SPOCK3: variants seen among roughly 807,000 people sequenced by gnomAD.
The protein encoded by SPOCK3 is SPARC (osteonectin), cwcv and kazal like domains proteoglycan 3.
A neutral mutation model predicts 56.6 loss-of-function variants in SPOCK3; 30 were observed. The observed-to-expected ratio is 0.53, with a 90% CI of 0.40 to 0.72. SPOCK3 has a LOEUF of 0.72. SPOCK3 is among the 30% of genes least tolerant of loss of function. The probability of loss-of-function intolerance (pLI) is 0.00; values close to 1 mark genes in which losing one functional copy is unlikely to be tolerated. For synonymous variants in SPOCK3, 196 were observed against 183.3 expected, an observed-to-expected ratio of 1.07 and a Z score of -0.56; for missense variants, 527 against 530.0, an observed-to-expected ratio of 0.99 and a Z score of 0.06.
intron 2 of SPOCK3, among the ~76,000 whole-genome samples, chr4:167,222,139 C>A (rs1735981119): frequency 1.3e-5 from 2 of 151,950 alleles, no homozygotes; most frequent in South Asian, 4.1e-4. Context: ...AAAAAGGAAA[C>A]CCTGTCACAT....
At chr4:166,754,855 T>C (rs1327801606) in intron 7 of SPOCK3, 126 bp from the exon 8 acceptor site, 2 of 764,640 alleles carry the variant, frequency 2.6e-6, no homozygotes, top group Non-Finnish European at 4.2e-6. Context: ...AGTAGAGCAT[T>C]AAATTCATCA....
rs959342619 is a variant in SPOCK3, at chr4:166,736,719, G to A, written c.1132+748C>T. Reference sequence around the variant, plus strand: ...ATTCCTGGTGTGTGTGTGTGTGTGCGCGTGTGTGTGTCTACAATGAGGTGG... The same window carrying A: ...ATTCCTGGTGTGTGTGTGTGTGTGCACGTGTGTGTGTCTACAATGAGGTGG... On this transcript the variant is annotated intron_variant, in intron 10 of 10. Coordinates refer to ENST00000357545, the MANE Select transcript of SPOCK3 (RefSeq NM_001040159.2). Among the ~76,000 whole-genome samples the A allele has an allele frequency of 3.8e-4, 57 of 151,540 alleles. 1 individual carries two copies. The highest frequency in any genetic ancestry group is 3.4e-3 in the Middle Eastern group (1 of 294).
At chr4:167,063,214 A>G (rs548347089) in intron 2 of SPOCK3, among the ~76,000 whole-genome samples, 2 of 152,032 alleles carry the variant, frequency 1.3e-5, no homozygotes, top group South Asian at 4.1e-4. Flanking sequence ...TAAATATGAC[A>G]GTACAGCACA....
chr4:167,231,126 C>T (rs7691019), intron 2 of SPOCK3, among the ~76,000 whole-genome samples: 57,329 of 151,740 alleles, frequency 0.38, 10,970 homozygotes, highest in African/African-American at 0.45. Context: ...TATTTACATA[C>T]GTATATTACA....
chr4:167,214,097 C>A (rs1200213127), intron 2 of SPOCK3, among the ~76,000 whole-genome samples: 1 of 151,270 alleles, frequency 6.6e-6, no homozygotes, highest in African/African-American at 2.4e-5. Context: ...AGTGTAGATG[C>A]AAAGATGCAA....
intron 4 of SPOCK3, among the ~76,000 whole-genome samples, chr4:166,958,466 C>T (rs543415047): frequency 7.2e-5 from 11 of 152,278 alleles, no homozygotes; most frequent in African/African-American, 2.6e-4. Context: ...CTGGACTAAG[C>T]CATTGTCATC....
In SPOCK3 at chr4:166,889,891, A is replaced by G. The variant is rs147436023; in HGVS notation, c.475-647T>C. Among the ~76,000 whole-genome samples, 19 of 152,162 alleles carry G rather than the reference A, an allele frequency of 1.2e-4. No individual in the cohort carries two copies. In the East Asian group the frequency reaches 3.7e-3, roughly 29 times the overall value. On this transcript the variant is annotated intron_variant, in intron 5 of 10. Transcript: ENST00000357545. ...AGAGAACAAACATATATATTTACAT[A>G]CAAAATAAACCAAATATTTATGTAG... is the stretch of plus-strand genomic sequence containing the variant.
At chr4:167,077,527 T>C (rs1757308624) in intron 2 of SPOCK3, among the ~76,000 whole-genome samples, 1 of 151,920 alleles carries the variant, frequency 6.6e-6, no homozygotes, top group South Asian at 2.1e-4. Context: ...CTATATTACA[T>C]GTGTTTTAAG....
intron 5 of SPOCK3, among the ~76,000 whole-genome samples, chr4:166,911,815 C>G (rs1579622572): frequency 6.6e-6 from 1 of 152,122 alleles, no homozygotes; most frequent in African/African-American, 2.4e-5. Flanking sequence ...GGGTTACAGG[C>G]GTGAACCACT....
At chr4:166,928,067 C>T (rs1489290318) in intron 4 of SPOCK3, among the ~76,000 whole-genome samples, 1 of 152,118 alleles carries the variant, frequency 6.6e-6, no homozygotes, top group East Asian at 1.9e-4. Context: ...ACTCAGAACG[C>T]TGACAACACC....
intron 1 of SPOCK3, 62 bp downstream of exon 1, chr4:167,234,388 A>C: frequency 1.7e-6 from 1 of 595,174 alleles, no homozygotes; most frequent in South Asian, 2.1e-5. Context: ...AGGTGGGTAT[A>C]AGGAAGCAAG....
At chr4:167,159,869 T>A (rs889923276) in intron 2 of SPOCK3, among the ~76,000 whole-genome samples, 2 of 152,102 alleles carry the variant, frequency 1.3e-5, no homozygotes, top group Non-Finnish European at 1.5e-5. Context: ...CTCAATAAAT[T>A]AGGTATTGAT....
At chr4:166,971,355 T>C (rs889604451) in intron 4 of SPOCK3, among the ~76,000 whole-genome samples, 1 of 152,194 alleles carries the variant, frequency 6.6e-6, no homozygotes, top group Non-Finnish European at 1.5e-5. Flanking sequence ...TAAAAGTGCT[T>C]GACTCTTTTA....
chr4:166,830,308 G>C (rs1745898926), intron 6 of SPOCK3, among the ~76,000 whole-genome samples: 1 of 151,990 alleles, frequency 6.6e-6, no homozygotes, highest in Non-Finnish European at 1.5e-5. Flanking sequence ...TGATTTTTAG[G>C]ACTCTGAATA....
chr4:167,058,400 A>C (rs1308447602), intron 3 of SPOCK3, among the ~76,000 whole-genome samples: 2 of 152,166 alleles, frequency 1.3e-5, no homozygotes, highest in Non-Finnish European at 2.9e-5. Context: ...CCCATTCATA[A>C]GTGCTTCAAA....
rs192874867 is a variant in SPOCK3, at chr4:167,146,147, C to T, written c.190-83610G>A. On this transcript the variant is annotated intron_variant, in intron 2 of 10. Transcript: ENST00000357545. Reference sequence around the variant, plus strand: ...CAAGCAAATGGAAAGCAAAAAAAAGCAGGGGTTGCAACCCTAGTCTCTGAT... The same window carrying T: ...CAAGCAAATGGAAAGCAAAAAAAAGTAGGGGTTGCAACCCTAGTCTCTGAT... Among the ~76,000 whole-genome samples the T allele has an allele frequency of 2.0e-5, 3 of 152,116 alleles. No individual in the cohort carries two copies. The East Asian group carries it at 5.8e-4, about 29-fold the overall frequency.
At chr4:166,844,526 A>G (rs945078850) in intron 6 of SPOCK3, among the ~76,000 whole-genome samples, 1 of 152,162 alleles carries the variant, frequency 6.6e-6, no homozygotes, top group Admixed American at 6.5e-5. Context: ...AGCCTCGTCC[A>G]ATCAGCTGAA....
intron 6 of SPOCK3, among the ~76,000 whole-genome samples, chr4:166,870,851 T>C (rs1197598781): frequency 5.3e-5 from 8 of 151,846 alleles, no homozygotes. Context: ...TGGTGGGAGG[T>C]GATTGGATCA....
chr4:167,200,436 C>T lies in SPOCK3; in HGVS notation c.189+33549G>A, dbSNP rs949563437. Among the ~76,000 whole-genome samples, 8 of 151,898 alleles carry T rather than the reference C, an allele frequency of 5.3e-5. 1 individual carries two copies. On this transcript the variant is annotated intron_variant, in intron 2 of 10. Transcript: ENST00000357545. ...ATTTACAGGTTGAAATTACAAAGTA[C>T]GGCAAGGAGTACTATACTGAAAAAG...
Sources: allele counts gnomAD v4.1 joint callset (sites outside exome capture counted in the v4.1 genomes callset), GRCh38; gene constraint gnomAD v4.1.1; transcripts MANE v1.5; gene names NCBI Gene and HGNC (gene_info 2026-07-23, HGNC 2026-07-21).